The following UNC79 variants were observed in gnomAD, a reference collection of about 807,000 sequenced individuals.
UNC79 encodes the protein unc-79 subunit of NALCN channel complex, also known as protein unc-79 homolog.
A neutral mutation model predicts 283.1 loss-of-function variants in UNC79; 37 were observed. That is an observed-to-expected ratio of 0.13 (90% CI 0.10 to 0.17). The LOEUF is 0.17. Among genes scored for constraint, UNC79 ranks in the 10% least tolerant of loss-of-function variants. The probability of loss-of-function intolerance (pLI) is 1.00; values close to 1 mark genes in which losing one functional copy is unlikely to be tolerated. For synonymous variants in UNC79, 1,107 were observed against 1,200.2 expected, an observed-to-expected ratio of 0.92 and a Z score of 1.61; for missense variants, 2,272 against 3,211.1, an observed-to-expected ratio of 0.71 and a Z score of 7.07.
exon 2 of UNC79, chr14:93,467,674 C>CTTTTTTTTTTTTTTTTTTTTT (rs1285134855): frequency 5.7e-6 from 1 of 174,022 alleles, no homozygotes; most frequent in Non-Finnish European, 8.5e-6. Flanking sequence ...TATCTAGTTG[C>CTTTTTTTTTTTTTTTTTTTTT]TTCCAAGATC....
intron 1 of UNC79, among the ~76,000 whole-genome samples, chr14:93,381,205 A>G (rs538296774): frequency 6.6e-6 from 1 of 152,332 alleles, no homozygotes; most frequent in South Asian, 2.1e-4. Context: ...CTGGTTTTGT[A>G]ATCTTTAGCT....
intron 5 of UNC79, among the ~76,000 whole-genome samples, chr14:93,495,087 T>C (rs1466357638): frequency 6.6e-6 from 1 of 152,188 alleles, no homozygotes; most frequent in African/African-American, 2.4e-5. Flanking sequence ...TGTCCAGAAC[T>C]GAGTCACGTG....
intron 1 of UNC79, among the ~76,000 whole-genome samples, chr14:93,339,842 A>G (rs1033881610): frequency 3.9e-5 from 6 of 152,220 alleles, no homozygotes; most frequent in Non-Finnish European, 8.8e-5. Flanking sequence ...AATCTATGAC[A>G]TTTACACATT....
At chr14:93,439,365 C>A (rs748500803) in intron 1 of UNC79, among the ~76,000 whole-genome samples, 1 of 151,718 alleles carries the variant, frequency 6.6e-6, no homozygotes, top group Non-Finnish European at 1.5e-5. Flanking sequence ...CAGTATCTGT[C>A]AATTCTTATT....
rs1010990875 is a variant in UNC79 at position 93,474,383 on chromosome 14, C to T, written c.438C>T (p.His146=). 203 of 1,534,564 alleles carry T rather than the reference C, an allele frequency of 1.3e-4. 1 individual carries two copies. Among genetic ancestry groups the T allele is most frequent in the Non-Finnish European group, 1.6e-4 (187 of 1,145,858 alleles). ...TGGATCTAGTTCCTTTACTACAGCA[C>T]GGCCAACACGGTGAGCACTTAGCTG... The change falls in exon 3 of 49, where the codon CAC becomes CAT. Residue 146 remains histidine (H), a synonymous_variant. Transcript: ENST00000555664. This position sits in a 1 kb window ranked among gnomAD's most constrained non-coding sequence, Gnocchi z 4.1.
rs11308431 is a variant in UNC79 at position 93,501,686 on chromosome 14, C to CA, written c.898+4411dup. Reference sequence around the variant, plus strand: ...CTGGCAACAGAGCAAGACTCCGTCTCAAAAAAAAAAAGAAAAATTATAGCA... The same window carrying CA: ...CTGGCAACAGAGCAAGACTCCGTCTCAAAAAAAAAAAAGAAAAATTATAGCA... On this transcript the variant is annotated intron_variant, in intron 7 of 48. Transcript: ENST00000555664. 4.7e-5 allele frequency among the ~76,000 whole-genome samples: 7 copies of CA among 148,204 alleles called. No homozygotes were observed. The East Asian group carries it at 6.0e-4, about 13-fold the overall frequency.
chr14:93,582,769 G>A (rs1385778955), intron 20 of UNC79, among the ~76,000 whole-genome samples: 1 of 152,158 alleles, frequency 6.6e-6, no homozygotes, highest in African/African-American at 2.4e-5. Context: ...TGGGACTGGG[G>A]AGCAGCCACT....
At chr14:93,534,503 T>A (rs984732965) in intron 11 of UNC79, among the ~76,000 whole-genome samples, 5 of 152,188 alleles carry the variant, frequency 3.3e-5, no homozygotes, top group African/African-American at 1.2e-4. Context: ...CTATAATGAT[T>A]TTTGAGGCAG....
At chr14:93,647,827 A>G (rs1566851842) in intron 35 of UNC79, among the ~76,000 whole-genome samples, 1 of 152,228 alleles carries the variant, frequency 6.6e-6, no homozygotes, top group Non-Finnish European at 1.5e-5. Flanking sequence ...ACAGTTCCAC[A>G]TGGCTGGGGA....
At chr14:93,565,145 GC>G (rs1306644243) in intron 14 of UNC79, among the ~76,000 whole-genome samples, 1 of 152,170 alleles carries the variant, frequency 6.6e-6, no homozygotes, top group African/African-American at 2.4e-5. Flanking sequence ...CCCCTAGTGC[GC>G]AAGTCCCTCC....
chr14:93,620,589 C>A (rs755261307), intron 29 of UNC79, among the ~76,000 whole-genome samples: 4 of 152,166 alleles, frequency 2.6e-5, no homozygotes, highest in Non-Finnish European at 5.9e-5. Context: ...TATGTGTCAT[C>A]TGGTGTTAAG....
intron 25 of UNC79, among the ~76,000 whole-genome samples, chr14:93,601,644 G>T (rs1182069916): frequency 6.6e-6 from 1 of 152,180 alleles, no homozygotes; most frequent in South Asian, 2.1e-4. Flanking sequence ...GGATCAAATG[G>T]TAGTTCCACT....
intron 1 of UNC79, among the ~76,000 whole-genome samples, chr14:93,335,938 T>C (rs1414414339): frequency 1.3e-5 from 2 of 152,234 alleles, no homozygotes; most frequent in Non-Finnish European, 2.9e-5. Context: ...CCTGAATTTA[T>C]GTTTTGTTCC....
At chr14:93,364,520 A>C (rs1318799836) in intron 1 of UNC79, among the ~76,000 whole-genome samples, 2 of 138,166 alleles carry the variant, frequency 1.4e-5, no homozygotes, top group Non-Finnish European at 3.2e-5. Flanking sequence ...CAGTAGTCAC[A>C]GTAGAAGGGT....
chr14:93,682,682 C>T (rs1419363050), exon 42 of UNC79: 8 of 1,613,834 alleles, frequency 5.0e-6, no homozygotes, highest in African/African-American at 2.7e-5. Flanking sequence ...AGATGATAGC[C>T]TCTGTACCTG....
At chr14:93,585,335 C>G (rs1178777270) in intron 20 of UNC79, among the ~76,000 whole-genome samples, 1 of 152,156 alleles carries the variant, frequency 6.6e-6, no homozygotes, top group African/African-American at 2.4e-5. Context: ...CTCTTCTGTC[C>G]TAGAATTCAG....
chr14:93,647,880 C>T (rs898949763), intron 35 of UNC79, among the ~76,000 whole-genome samples: 5 of 152,140 alleles, frequency 3.3e-5, no homozygotes, highest in South Asian at 2.1e-4. Context: ...AGCAAAGGGA[C>T]GTCTTACATG....
chr14:93,557,110 A>C (rs935873624), intron 14 of UNC79, among the ~76,000 whole-genome samples: 2 of 152,246 alleles, frequency 1.3e-5, no homozygotes, highest in Admixed American at 6.5e-5. Context: ...GGTCATCTCT[A>C]TATAAAAGCT....
chr14:93,610,830 C>G (rs1342929955), intron 26 of UNC79, among the ~76,000 whole-genome samples: 2 of 152,084 alleles, frequency 1.3e-5, no homozygotes, highest in Non-Finnish European at 2.9e-5. Context: ...AGGCTGGTCT[C>G]AAACTCCTGG....
Sources: gnomAD v4.1 joint callset for allele counts (sites outside exome capture counted in the v4.1 genomes callset) on GRCh38, gnomAD v4.1.1 for gene constraint, Gnocchi (gnomAD v3.1) non-coding constraint, MANE v1.5 for transcripts, NCBI Gene and HGNC (gene_info 2026-07-23, HGNC 2026-07-21) for gene names.